Variants in TRPM8 observed in about 807,000 individuals in gnomAD.
TRPM8 encodes the protein TRPM8 cationic channel.
In TRPM8, 110 loss-of-function variants were observed where a neutral mutation model predicts 133.7. The ratio of observed to expected loss-of-function variants is 0.82; its 90% CI spans 0.70 to 0.96. TRPM8 has a LOEUF of 0.96. Among genes scored for constraint, TRPM8 ranks in the 40% least tolerant of loss-of-function variants. TRPM8 has a pLI of 0.00. For synonymous variants in TRPM8, 535 were observed against 532.3 expected (o/e 1.01, Z -0.07); for missense variants, 1,291 against 1,379.5 (o/e 0.94, Z 1.02).
chr2:234,003,222 G>A (rs926060486), intron 22 of TRPM8, among the ~76,000 whole-genome samples: 3 of 152,198 alleles, frequency 2.0e-5, no homozygotes, highest in South Asian at 4.2e-4. Context: ...TCACGACCCC[G>A]AACTCGTGTC....
intron 22 of TRPM8, among the ~76,000 whole-genome samples, chr2:234,006,494 G>T (rs1157893954): frequency 6.6e-6 from 1 of 152,162 alleles, no homozygotes; most frequent in Non-Finnish European, 1.5e-5. Context: ...GAATTGTTTA[G>T]CATTTTTATG....
rs189207868 is a variant in TRPM8, at chr2:233,997,035, C to T, written c.3130+519C>T. 3.4e-3 allele frequency among the ~76,000 whole-genome samples: 513 copies of T among 152,292 alleles called. 1 individual carries two copies. The highest frequency in any genetic ancestry group is 0.011 in the African/African-American group (474 of 41,566). On this transcript the variant is annotated intron_variant, in intron 22 of 25. Transcript: ENST00000324695. ...ATCCCAACACTTTGGGAGGCCTAGG[C>T]GGGCGGATTGCCTGAGCTCAGGAGT...
At chr2:233,942,861 G>A in intron 6 of TRPM8, 113 bp downstream of exon 6, 1 of 1,331,278 alleles carries the variant, frequency 7.5e-7, no homozygotes, top group Non-Finnish European at 1.1e-6. Flanking sequence ...TCATGGGGAA[G>A]TCTGCCTTTC....
At chr2:233,967,459 C>T (rs1303863535) in intron 15 of TRPM8, among the ~76,000 whole-genome samples, 2 of 152,226 alleles carry the variant, frequency 1.3e-5, no homozygotes, top group Admixed American at 6.5e-5. Context: ...CACATTTCAT[C>T]TTCACAGCAC....
At chr2:234,010,671 T>A (rs1186857014) in intron 24 of TRPM8, among the ~76,000 whole-genome samples, 1 of 152,228 alleles carries the variant, frequency 6.6e-6, no homozygotes, top group African/African-American at 2.4e-5. Flanking sequence ...ATAATAAGCG[T>A]CGTAACAGGT....
rs1691520565 is a variant in TRPM8 at position 233,964,666 on chromosome 2, G to A, written c.1788G>A (p.Lys596=). Residue 596 remains lysine, a synonymous_variant, in exon 14 of 26, where the codon AAG becomes AAA. Transcript: ENST00000324695. ...GCTLAALGAS[K]LLKTLAKVKN... is the part of the protein sequence containing the mutation. ...CTCTGGCAGCCCTGGGAGCCAGCAA[G>A]CTTCTGAAGACTCTGGCCAAAGTGA... 1 of 1,609,230 alleles carries A rather than the reference G, an allele frequency of 6.2e-7. No homozygotes were observed. Among genetic ancestry groups the A allele is most frequent in the Non-Finnish European group, 8.5e-7 (1 of 1,177,066 alleles).
intron 21 of TRPM8, among the ~76,000 whole-genome samples, chr2:233,995,348 T>C (rs1198696542): frequency 6.6e-6 from 1 of 152,240 alleles, no homozygotes; most frequent in Non-Finnish European, 1.5e-5. Flanking sequence ...GTTTAATTTG[T>C]AACAGAGAAA....
intron 3 of TRPM8, among the ~76,000 whole-genome samples, chr2:233,936,875 T>G (rs1354883831): frequency 6.7e-6 from 1 of 149,842 alleles, no homozygotes; most frequent in African/African-American, 2.5e-5. Context: ...ATCAAACTAG[T>G]TTCTTTCTTT....
Position 233,963,360 on chromosome 2 carries a change from A to G in TRPM8, c.1732A>G (p.Lys578Glu). 1 of 1,612,266 alleles carries G rather than the reference A, an allele frequency of 6.2e-7. No homozygotes were observed. Among genetic ancestry groups the G allele is most frequent in the Non-Finnish European group, 8.5e-7 (1 of 1,178,986 alleles). ...TCTTCAGAATAAGAAGGAACTCTCC[A>G]AAGTCATTTGGGAGCAGGTAAGTGC... ...AILQNKKELS[K>E]VIWEQTRGCT... The change falls in exon 13 of 26, where the codon AAA (lysine) becomes GAA (glutamate). Residue 578 changes from lysine to glutamate, a missense_variant. Physicochemically the swap from Lys to Glu is moderately conservative, Grantham distance 56 (BLOSUM62 1). Transcript: ENST00000324695.
chr2:233,974,210 C>A (rs909315936), intron 17 of TRPM8, among the ~76,000 whole-genome samples: 1 of 151,884 alleles, frequency 6.6e-6, no homozygotes, highest in African/African-American at 2.4e-5. Flanking sequence ...GGGGTAAGTG[C>A]CAAATTTTTT....
chr2:233,952,654 G>C (rs1297347355), intron 9 of TRPM8, among the ~76,000 whole-genome samples: 1 of 151,666 alleles, frequency 6.6e-6, no homozygotes, highest in South Asian at 2.1e-4. Context: ...TCATTAAAAG[G>C]TTTCAAGCAG....
At chr2:233,923,030 G>A (rs1691440177) in intron 1 of TRPM8, among the ~76,000 whole-genome samples, 2 of 151,994 alleles carry the variant, frequency 1.3e-5, no homozygotes, top group Admixed American at 6.5e-5. Context: ...ACCACGCCTG[G>A]CTAATTTTTT....
chr2:233,952,340 A>G (rs1192521384), intron 9 of TRPM8, among the ~76,000 whole-genome samples: 3 of 152,132 alleles, frequency 2.0e-5, no homozygotes, highest in Non-Finnish European at 4.4e-5. Flanking sequence ...AAGAAAGGTA[A>G]CATGGATACA....
chr2:233,925,606 C>T (rs1446192025), intron 1 of TRPM8, among the ~76,000 whole-genome samples: 2 of 151,982 alleles, frequency 1.3e-5, no homozygotes, highest in Admixed American at 6.5e-5. Context: ...CAGGGCCGAG[C>T]GCAGAGACAA....
intron 2 of TRPM8, 87 bp downstream of exon 2, chr2:233,926,741 A>G: frequency 1.0e-6 from 1 of 987,222 alleles, no homozygotes; most frequent in Non-Finnish European, 1.6e-6. Context: ...TGACTTTTAG[A>G]ACATTTTAAA....
At chr2:233,938,926 G>C in intron 4 of TRPM8, 72 bp from the exon 5 acceptor site, 2 of 1,520,420 alleles carry the variant, frequency 1.3e-6, no homozygotes, top group Non-Finnish European at 1.8e-6. Flanking sequence ...CTTGGAAGTT[G>C]GGAGGGAATG....
At chr2:233,972,602 G>A (rs1371723390) in intron 17 of TRPM8, among the ~76,000 whole-genome samples, 3 of 152,208 alleles carry the variant, frequency 2.0e-5, no homozygotes, top group East Asian at 1.9e-4. Context: ...TGCAGGTCCC[G>A]AGCCCTGCCC....
intron 21 of TRPM8, among the ~76,000 whole-genome samples, chr2:233,988,417 T>C (rs1291062047): frequency 6.6e-6 from 1 of 152,164 alleles, no homozygotes; most frequent in Non-Finnish European, 1.5e-5. Flanking sequence ...TCCTTGAGAA[T>C]GGCGAACTCT....
intron 1 of TRPM8, among the ~76,000 whole-genome samples, chr2:233,925,810 C>G (rs4663986): frequency 0.41 from 62,873 of 151,912 alleles, 18,435 homozygotes; most frequent in African/African-American, 0.81. Flanking sequence ...TCTCGAGCTT[C>G]GGATGTGGGT....
Sources: allele counts gnomAD v4.1 joint callset (sites outside exome capture counted in the v4.1 genomes callset), GRCh38; gene constraint gnomAD v4.1.1; transcripts MANE v1.5; gene names NCBI Gene and HGNC (gene_info 2026-07-23, HGNC 2026-07-21).